The following ZNF74 variants were observed in gnomAD, a reference collection of about 807,000 sequenced individuals.
The protein encoded by ZNF74 is zinc finger protein 74.
Under a neutral mutation model 17.7 loss-of-function variants are expected in ZNF74, and 12 were observed. The ratio of observed to expected loss-of-function variants is 0.68; its 90% CI spans 0.43 to 1.10. The LOEUF is 1.10. Among genes scored for constraint, ZNF74 ranks in the 50% least tolerant of loss-of-function variants. The pLI is 0.00. For missense variants in ZNF74, 811 were observed against 881.0 expected (o/e 0.92, Z 1.01); for synonymous variants, 358 against 362.1 (o/e 0.99, Z 0.13).
In ZNF74 at chr22:20,401,939, C is replaced by A. The variant is rs1424598527; in HGVS notation, c.343+567C>A. On this transcript the variant is annotated intron_variant, in intron 4 of 4. Coordinates refer to ENST00000400451, the MANE Select transcript of ZNF74 (RefSeq NM_003426.4). This position sits in a 1 kb window ranked among gnomAD's most constrained non-coding sequence, Gnocchi z 4.2. ...GTCAACGTCAGCGAGGGCTTCCAGG[C>A]TGTGGCCAAGATGGCAGCCCTCCGT... 6.6e-6 allele frequency among the ~76,000 whole-genome samples: 1 copy of A among 152,174 alleles called. No homozygotes were observed. The highest frequency in any genetic ancestry group is 1.9e-4 in the East Asian group (1 of 5,196).
chr22:20,394,184 C>T lies in ZNF74; in HGVS notation c.-445C>T. The T allele has an allele frequency of 1.9e-5, 12 of 643,404 alleles. No homozygotes were observed. The highest frequency in any genetic ancestry group is 1.6e-4 in the South Asian group (10 of 61,952). 39.9% of individuals were successfully genotyped at this position (643,404 alleles called of 1,614,324 possible). The stretch of plus-strand genomic sequence containing the variant: ...CGCCTGCTGCTCTTTGTGGCAGTCG[C>T]AGTCCTTTTGTGGGAGTCCGGTCTG... On this transcript the variant is annotated 5_prime_UTR_variant, in exon 1 of 5. Transcript: ENST00000400451.
chr22:20,404,333 G>C (rs991760959), intron 4 of ZNF74, among the ~76,000 whole-genome samples: 4 of 152,068 alleles, frequency 2.6e-5, no homozygotes, highest in African/African-American at 9.7e-5. Context: ...GGTTTTGTTT[G>C]TTTGTTTGTT....
chr22:20,404,940 AAAAC>A (rs757527610), intron 4 of ZNF74, among the ~76,000 whole-genome samples: 5 of 152,346 alleles, frequency 3.3e-5, no homozygotes, highest in East Asian at 3.9e-4. Context: ...ACTCGGTCTC[AAAAC>A]AAACAAACAA....
chr22:20,406,918 C>A lies in ZNF74; in HGVS notation c.1885C>A (p.Pro629Thr), dbSNP rs1467404281. Residue 629 changes from proline to threonine, a missense_variant, in exon 5 of 5, where the codon CCC becomes ACC. Pro to Thr is a conservative substitution (Grantham distance 38, BLOSUM62 -1). This residue lies in a region of ZNF74 where 115 missense variants were observed against 119.5 expected (regional missense o/e 0.96). Coordinates refer to ENST00000400451, the MANE Select transcript of ZNF74 (RefSeq NM_003426.4). ...LDVAKLLCVV[P>T]PRAGRNFSLG... ...TGTGGCAAAGCTCTTGTGCGTGGTT[C>A]CCCCCAGAGCTGGCAGGAATTTCTC... The A allele has an allele frequency of 8.7e-6, 14 of 1,613,650 alleles. No individual in the cohort carries two copies. The South Asian group carries it at 1.5e-4, about 18-fold the overall frequency.
At chr22:20,404,233 G>A (rs891804537) in intron 4 of ZNF74, among the ~76,000 whole-genome samples, 1 of 152,228 alleles carries the variant, frequency 6.6e-6, no homozygotes, top group Non-Finnish European at 1.5e-5. Flanking sequence ...GTACAGGAGA[G>A]AAAGAAACCT....
At position 20,405,924 on chromosome 22, in the gene ZNF74, C is replaced by T. The variant is rs1200179594; in HGVS notation, c.891C>T (p.Ile297=). 6.2e-7 allele frequency: 1 copy of T among 1,613,684 alleles called. No homozygotes were observed. The highest frequency in any genetic ancestry group is 1.7e-5 in the Admixed American group (1 of 59,996). Residue 297 remains isoleucine, a synonymous_variant, in exon 5 of 5, where the codon ATC becomes ATT. Coordinates refer to ENST00000400451, the MANE Select transcript of ZNF74 (RefSeq NM_003426.4). ...CCAACCTTCTGGAGCACCGGCGCAT[C>T]CACACCGGCGAGAAGCCCTTCTTCT... ...WSTNLLEHRR[I]HTGEKPFFCG...
intron 4 of ZNF74, among the ~76,000 whole-genome samples, chr22:20,404,473 A>T (rs1180237489): frequency 6.6e-6 from 1 of 152,044 alleles, no homozygotes; most frequent in Non-Finnish European, 1.5e-5. Flanking sequence ...GACTATAGAC[A>T]GGTACCATCA....
In ZNF74 at chr22:20,395,315, T is replaced by G. The variant is rs561967068; in HGVS notation, c.35-18T>G. 1 of 1,579,936 alleles carries G rather than the reference T, an allele frequency of 6.3e-7. No homozygotes were observed. The highest frequency in any genetic ancestry group is 1.3e-5 in the African/African-American group (1 of 74,436). On this transcript the variant is annotated intron_variant, in intron 1 of 4. Coordinates refer to ENST00000400451, the MANE Select transcript of ZNF74 (RefSeq NM_003426.4). ...TGAGCCTGGTAGCCGTGACCTTGAC[T>G]CATTTCTCCTTCGCCAGCTCTTTCC...
chr22:20,407,104 G>C lies in ZNF74; in HGVS notation c.*136G>C. On this transcript the variant is annotated 3_prime_UTR_variant, in exon 5 of 5. Transcript: ENST00000400451. ...TTGCCTTATCACCCCCATCAGGTCT[G>C]CATGCCAGGGTGCCTCCTCTAGTTA... 7.3e-7 allele frequency: 1 copy of C among 1,374,548 alleles called. No homozygotes were observed. The highest frequency in any genetic ancestry group is 9.6e-7 in the Non-Finnish European group (1 of 1,043,864). 85.1% of individuals were successfully genotyped at this position (1,374,548 alleles called of 1,614,324 possible).
rs767253973 is a variant in ZNF74, at chr22:20,408,099, G to A, written c.*1131G>A. 1 of 152,186 alleles carries A rather than the reference G, an allele frequency of 6.6e-6. No homozygotes were observed. Among genetic ancestry groups the A allele is most frequent in the African/African-American group, 2.4e-5 (1 of 41,424 alleles). The allele number at this position is 152,186 out of a possible 1,614,324, so 9.4% of individuals were successfully genotyped here. A position where few individuals can be genotyped will look rare whatever the true frequency, so the allele number is the denominator to read the frequency against. On this transcript the variant is annotated 3_prime_UTR_variant, in exon 5 of 5. Transcript: ENST00000400451. ...CCAGTCACCAGCCCAGGTCACAGAA[G>A]AAGCCCCTCCCAGCACCCACTGGAG...
In ZNF74 at chr22:20,406,143, C is replaced by T. The variant is rs767302031; in HGVS notation, c.1110C>T (p.Asn370=). The change falls in exon 5 of 5, where the codon AAC becomes AAT. Residue 370 remains asparagine, a synonymous_variant. Transcript: ENST00000400451. ...YRCGECGKAF[N]QRTHLTRHHR... is the part of the protein sequence containing the mutation. The stretch of plus-strand genomic sequence containing the variant: ...GCGGCGAGTGCGGCAAGGCCTTCAA[C>T]CAGCGTACACACCTCACACGCCACC... The T allele has an allele frequency of 6.2e-6, 10 of 1,613,622 alleles. No homozygotes were observed. The South Asian group carries it at 9.9e-5, about 16-fold the overall frequency.
At chr22:20,397,723 A>C (rs1428735721) in intron 2 of ZNF74, among the ~76,000 whole-genome samples, 1 of 152,166 alleles carries the variant, frequency 6.6e-6, no homozygotes, top group Non-Finnish European at 1.5e-5. Flanking sequence ...ATTGGTGAGT[A>C]ATATTCCATT....
At chr22:20,397,719 G>GATATTCCAATA (rs1159820682) in intron 2 of ZNF74, among the ~76,000 whole-genome samples, 1 of 152,186 alleles carries the variant, frequency 6.6e-6, no homozygotes, top group African/African-American at 2.4e-5. Context: ...TTTTATTGGT[G>GATATTCCAATA]AGTAATATTC....
chr22:20,405,798 G>A lies in ZNF74; in HGVS notation c.765G>A (p.Lys255=), dbSNP rs778843790. ...AGTTCGTGTGCGGCGAGTGCGGGAA[G>A]GCGTTCCGCCAGAGCTCCTCCCTCA... ...EGEFVCGECG[K]AFRQSSSLTL... The change falls in exon 5 of 5, where the codon AAG becomes AAA. Residue 255 remains lysine (K), a synonymous_variant. Coordinates refer to ENST00000400451, the MANE Select transcript of ZNF74 (RefSeq NM_003426.4). The A allele has an allele frequency of 3.1e-6, 5 of 1,612,402 alleles. No individual in the cohort carries two copies. The highest frequency in any genetic ancestry group is 8.5e-7 in the Non-Finnish European group (1 of 1,179,628).
chr22:20,394,314 G>T lies in ZNF74; in HGVS notation c.-315G>T. The T allele has an allele frequency of 1.4e-6, 1 of 699,856 alleles. No individual in the cohort carries two copies. 43.4% of individuals were successfully genotyped at this position (699,856 alleles called of 1,614,324 possible). On this transcript the variant is annotated 5_prime_UTR_variant, in exon 1 of 5. Coordinates refer to ENST00000400451, the MANE Select transcript of ZNF74 (RefSeq NM_003426.4). Reference sequence around the variant, plus strand: ...CTCCTGGCCGCGGAACCTTAGGCCTGGCCCTGGTCTCCGAGCGCGGGTTCG... The same window carrying T: ...CTCCTGGCCGCGGAACCTTAGGCCTTGCCCTGGTCTCCGAGCGCGGGTTCG...
rs777509867 is a variant in ZNF74, at chr22:20,405,435, C to A, written c.402C>A (p.Ala134=). Residue 134 remains alanine, a synonymous_variant, in exon 5 of 5, where the codon GCC becomes GCA. Transcript: ENST00000400451. Reference sequence around the variant, plus strand: ...AGGGCATTTGCAAAGAAGAACCGGCCCAGGAGCCCATCATGGAGCGGCCCC... The same window carrying A: ...AGGGCATTTGCAAAGAAGAACCGGCACAGGAGCCCATCATGGAGCGGCCCC... ...QQQGICKEEP[A]QEPIMERPLG... 6.2e-7 allele frequency: 1 copy of A among 1,613,458 alleles called. No homozygotes were observed. Among genetic ancestry groups the A allele is most frequent in the Non-Finnish European group, 8.5e-7 (1 of 1,179,884 alleles).
chr22:20,406,241 T>C lies in ZNF74; in HGVS notation c.1208T>C (p.Leu403Pro). 6.2e-7 allele frequency: 1 copy of C among 1,612,326 alleles called. No individual in the cohort carries two copies. Among genetic ancestry groups the C allele is most frequent in the Non-Finnish European group, 8.5e-7 (1 of 1,179,852 alleles). The change falls in exon 5 of 5, where the codon CTC becomes CCC. Residue 403 changes from leucine to proline, a missense_variant. By Grantham distance (98) the Leu-to-Pro change is moderately conservative. Coordinates refer to ENST00000400451, the MANE Select transcript of ZNF74 (RefSeq NM_003426.4). ...CGKAFTCHSS[L>P]TVHEKIHSGD... The stretch of plus-strand genomic sequence containing the variant: ...AAGGCCTTCACCTGCCACTCATCCC[T>C]CACCGTGCATGAGAAGATCCACAGC...
In ZNF74 at chr22:20,405,801, GT is replaced by G. The variant is rs1569096105; in HGVS notation, c.770del (p.Phe257SerfsTer354). The G allele has an allele frequency of 6.2e-7, 1 of 1,611,094 alleles. No homozygotes were observed. The highest frequency in any genetic ancestry group is 1.3e-5 in the African/African-American group (1 of 74,420). On this transcript the variant is annotated frameshift_variant, in exon 5 of 5. Coordinates refer to ENST00000400451, the MANE Select transcript of ZNF74 (RefSeq NM_003426.4). LOFTEE classifies it low-confidence loss of function (END_TRUNC). The part of the protein sequence containing the change: ...EFVCGECGKA[F>X]RQSSSLTLHR... ...TCGTGTGCGGCGAGTGCGGGAAGGCGTTCCGCCAGAGCTCCTCCCTCACGCT... is the reference window on the plus strand; with the variant it reads ...TCGTGTGCGGCGAGTGCGGGAAGGCGTCCGCCAGAGCTCCTCCCTCACGCT...
At chr22:20,399,462 T>C (rs2052332654) in intron 2 of ZNF74, 1 of 249,968 alleles carries the variant, frequency 4.0e-6, no homozygotes, top group Non-Finnish European at 8.0e-6. Context: ...GTAAAGTGGG[T>C]TTCTGTAGCT....
Sources: gnomAD v4.1 joint callset for allele counts (sites outside exome capture counted in the v4.1 genomes callset) on GRCh38, gnomAD v4.1.1 for gene constraint, gnomAD v4.1.1 regional missense constraint, Gnocchi (gnomAD v3.1) non-coding constraint, MANE v1.5 for transcripts, NCBI Gene and HGNC (gene_info 2026-07-23, HGNC 2026-07-21) for gene names.